Variants in CPLANE1 observed in about 807,000 individuals in gnomAD.
CPLANE1 encodes the protein ciliogenesis and planar polarity effector 1.
In CPLANE1, 263 loss-of-function variants were observed where a neutral mutation model predicts 362.5. That is an observed-to-expected ratio of 0.73 (90% CI 0.66 to 0.80). The LOEUF is 0.80. Ranked by LOEUF, CPLANE1 falls within the 30% of genes least tolerant of loss-of-function variation. The pLI is 0.00. For synonymous variants in CPLANE1, 1,212 were observed against 1,302.6 expected, an observed-to-expected ratio of 0.93 and a Z score of 1.50; for missense variants, 3,461 against 3,793.4, an observed-to-expected ratio of 0.91 and a Z score of 2.30.
At chr5:37,164,692 G>A (rs1469851799) in intron 36 of CPLANE1, among the ~76,000 whole-genome samples, 2 of 152,188 alleles carry the variant, frequency 1.3e-5, no homozygotes, top group East Asian at 1.9e-4. Flanking sequence ...TGCTCTTGAG[G>A]ACTGACTGAA....
At chr5:37,075,987 C>G in the CPLANE1 span, among the ~76,000 whole-genome samples, 1 of 151,778 alleles carries the variant, frequency 6.6e-6, no homozygotes, top group Non-Finnish European at 1.5e-5. Flanking sequence ...CTCACACCTG[C>G]AATCCCAGCA....
At chr5:37,199,096 C>CAAAAAAAAAAAAAAAAAAAA (rs35945783) in intron 19 of CPLANE1, among the ~76,000 whole-genome samples, 1 of 47,172 alleles carries the variant, frequency 2.1e-5, no homozygotes, top group Non-Finnish European at 4.1e-5. Flanking sequence ...CACCCTGTCT[C>CAAAAAAAAAAAAAAAAAAAA]AAAAAAAAAA....
intron 16 of CPLANE1, among the ~76,000 whole-genome samples, chr5:37,207,117 T>C (rs565023789): frequency 3.9e-5 from 6 of 152,352 alleles, no homozygotes; most frequent in African/African-American, 1.4e-4. Flanking sequence ...CTTCTGTCCC[T>C]TTCCCTAATT....
Position 37,245,573 on chromosome 5 carries a change from A to G in CPLANE1, c.243T>C (p.Thr81=). 1 of 1,523,336 alleles carries G rather than the reference A, an allele frequency of 6.6e-7. No homozygotes were observed. The highest frequency in any genetic ancestry group is 2.2e-5 in the Admixed American group (1 of 45,814). 94.4% of individuals were successfully genotyped at this position (1,523,336 alleles called of 1,614,324 possible). Residue 81 remains threonine (T), a synonymous_variant, in exon 4 of 53, where the codon ACT becomes ACC. Coordinates refer to ENST00000651892, the MANE Select transcript of CPLANE1 (RefSeq NM_001384732.1). ...SNDAWLAGVL[T]TGELFLWNKD... is the part of the protein sequence containing the mutation. ...TGTTCCAAAGGAAAAGCTCTCCTGT[A>G]GTTAGTACCCCAGCCAGCCAGGCAT...
intron 15 of CPLANE1, among the ~76,000 whole-genome samples, chr5:37,217,414 T>A (rs1373163192): frequency 6.6e-6 from 1 of 151,800 alleles, no homozygotes; most frequent in Non-Finnish European, 1.5e-5. Flanking sequence ...GAGACCAGCC[T>A]GGCCAATATG....
At chr5:37,116,991 C>T (rs763602931) in intron 50 of CPLANE1, among the ~76,000 whole-genome samples, 8 of 152,138 alleles carry the variant, frequency 5.3e-5, no homozygotes, top group Non-Finnish European at 1.0e-4. Flanking sequence ...ACAAGGGGAG[C>T]CACAGCCTGT....
intron 30 of CPLANE1, among the ~76,000 whole-genome samples, chr5:37,177,081 A>T (rs931116768): frequency 3.3e-5 from 5 of 152,110 alleles, no homozygotes; most frequent in Non-Finnish European, 5.9e-5. Flanking sequence ...GATCTAAGGG[A>T]ATTCTAAAAT....
chr5:37,100,076 T>G, the CPLANE1 span, among the ~76,000 whole-genome samples: 3 of 152,234 alleles, frequency 2.0e-5, no homozygotes, highest in Non-Finnish European at 4.4e-5. Flanking sequence ...TTCACTCTGA[T>G]GATAGTTTCT....
At chr5:37,195,112 G>A (rs1387203754) in intron 21 of CPLANE1, among the ~76,000 whole-genome samples, 8 of 146,694 alleles carry the variant, frequency 5.5e-5, no homozygotes, top group African/African-American at 1.0e-4. Context: ...CCGAGATCAC[G>A]CCACTGCACT....
chr5:37,124,999 ATAGCCATCAT>A (rs1763753862), intron 47 of CPLANE1: 2 of 1,258,994 alleles, frequency 1.6e-6, no homozygotes, highest in Admixed American at 4.1e-5. Context: ...TTAAAATGCT[ATAGCCATCAT>A]TAGCCTGGGG....
chr5:37,096,828 G>A, the CPLANE1 span, among the ~76,000 whole-genome samples: 6 of 152,220 alleles, frequency 3.9e-5, no homozygotes, highest in Admixed American at 6.5e-5. Context: ...AATGATCAGG[G>A]AAATGCAAAT....
intron 51 of CPLANE1, 41 bp downstream of exon 51, chr5:37,114,919 T>C: frequency 8.2e-7 from 1 of 1,219,556 alleles, no homozygotes; most frequent in Non-Finnish European, 1.2e-6. Context: ...AAAAGAAAAT[T>C]CAGTATTAAG....
In CPLANE1 at chr5:37,201,608, G is replaced by C; in HGVS notation, c.3490C>G (p.Pro1164Ala). 1.2e-6 allele frequency: 2 copies of C among 1,613,580 alleles called. No homozygotes were observed. The highest frequency in any genetic ancestry group is 1.7e-6 in the Non-Finnish European group (2 of 1,179,526). Residue 1164 changes from proline (P) to alanine (A), a missense_variant, in exon 19 of 53, where the codon CCA becomes GCA. Pro to Ala is a conservative substitution (Grantham distance 27). This residue lies in a region of CPLANE1 where 3,380 missense variants were observed against 3,666.1 expected (regional missense o/e 0.92). Transcript: ENST00000651892. ...LPAPPLYCPQPAILSEEDGDD... is the reference protein window; with the variant it reads ...LPAPPLYCPQAAILSEEDGDD... ...AAGCTTACTTCACTAAGAATAGCTG[G>C]CTGGGGACAGTACAATGGAGGAGCT...
chr5:37,209,405 G>C lies in CPLANE1; in HGVS notation c.2921-2980C>G, dbSNP rs574092135. On this transcript the variant is annotated intron_variant, in intron 16 of 52. Coordinates refer to ENST00000651892, the MANE Select transcript of CPLANE1 (RefSeq NM_001384732.1). This position sits in a 1 kb window ranked among gnomAD's most constrained non-coding sequence, Gnocchi z 4.6. The stretch of plus-strand genomic sequence containing the variant: ...ACATGCTCCCCGTGGCTGATGTGTT[G>C]AGTCAAAATGAACTGCGCAAAAAGC... The C allele has an allele frequency of 4.8e-6, 6 of 1,253,004 alleles. No individual in the cohort carries two copies. The highest frequency in any genetic ancestry group is 1.7e-5 in the Admixed American group (1 of 59,142). 77.6% of individuals were successfully genotyped at this position (1,253,004 alleles called of 1,614,324 possible).
At position 37,244,374 on chromosome 5, in the gene CPLANE1, C is replaced by T; in HGVS notation, c.570+1G>A. ...AGATAAGAGTCTGAGACTGATTTTA[C>T]CTCATTTTTTATAAAAACAGCATTC... On this transcript the variant is annotated splice_donor_variant, in intron 5 of 52. Coordinates refer to ENST00000651892, the MANE Select transcript of CPLANE1 (RefSeq NM_001384732.1). LOFTEE classifies it high-confidence loss of function. 2 of 1,545,112 alleles carry T rather than the reference C, an allele frequency of 1.3e-6. No homozygotes were observed. The highest frequency in any genetic ancestry group is 1.2e-5 in the South Asian group (1 of 83,204).
chr5:37,244,357 G>A lies in CPLANE1; in HGVS notation c.570+18C>T. On this transcript the variant is annotated intron_variant, in intron 5 of 52. Transcript: ENST00000651892. ...CTGCTAATCTGCTTCACAGATAAGA[G>A]TCTGAGACTGATTTTACCTCATTTT... 2.6e-6 allele frequency: 4 copies of A among 1,516,636 alleles called. No individual in the cohort carries two copies. Among genetic ancestry groups the A allele is most frequent in the African/African-American group, 1.4e-5 (1 of 71,976 alleles). 93.9% of individuals were successfully genotyped at this position (1,516,636 alleles called of 1,614,324 possible).
At chr5:37,148,111 C>T (rs192680773) in intron 43 of CPLANE1, 70 bp downstream of exon 43, 15 of 1,177,688 alleles carry the variant, frequency 1.3e-5, no homozygotes, top group African/African-American at 4.6e-5. Flanking sequence ...TGGCACTCCA[C>T]AAAACAATGC....
chr5:37,105,072 C>T (rs980276104), downstream of CPLANE1, among the ~76,000 whole-genome samples: 2 of 152,068 alleles, frequency 1.3e-5, no homozygotes, highest in African/African-American at 2.4e-5. Context: ...GAGGCCAAGG[C>T]GGGAGGATCA....
chr5:37,181,073 A>G lies in CPLANE1; in HGVS notation c.5422-68T>C. 8 of 1,335,024 alleles carry G rather than the reference A, an allele frequency of 6.0e-6. No homozygotes were observed. In the South Asian group the frequency reaches 1.1e-4, roughly 18 times the overall value. The allele number at this position is 1,335,024 out of a possible 1,614,324, so 82.7% of individuals were successfully genotyped here. ...TTATTTTTCACCATATTTTAAAATTATTCATTCTTTCTACAGGAATTCTGA... is the reference window on the plus strand; with the variant it reads ...TTATTTTTCACCATATTTTAAAATTGTTCATTCTTTCTACAGGAATTCTGA... On this transcript the variant is annotated intron_variant, in intron 26 of 52. Transcript: ENST00000651892.
Sources: allele counts gnomAD v4.1 joint callset (sites outside exome capture counted in the v4.1 genomes callset), GRCh38; gene constraint gnomAD v4.1.1; regional missense constraint gnomAD v4.1.1; non-coding constraint Gnocchi (gnomAD v3.1); transcripts MANE v1.5; gene names NCBI Gene and HGNC (gene_info 2026-07-23, HGNC 2026-07-21).